RAD52: variants seen among roughly 807,000 people sequenced by gnomAD.
RAD52 encodes RAD52 DNA repair protein.
RAD52 carries 47 observed loss-of-function variants against 55.5 expected under a neutral mutation model. That is an observed-to-expected ratio of 0.85 (90% CI 0.67 to 1.08). The LOEUF (loss-of-function observed/expected upper bound fraction) is 1.08, where lower values mean the gene tolerates loss of function less well. Ranked by LOEUF, RAD52 falls within the 50% of genes least tolerant of loss-of-function variation. The probability of loss-of-function intolerance (pLI) is 0.00; values close to 1 mark genes in which losing one functional copy is unlikely to be tolerated. For synonymous variants in RAD52, 184 were observed against 198.9 expected, an observed-to-expected ratio of 0.92 and a Z score of 0.63; for missense variants, 468 against 522.8, an observed-to-expected ratio of 0.90 and a Z score of 1.02.
rs1347383448 is a variant in RAD52 at position 929,876 on chromosome 12, G to C, written c.291C>G (p.Asp97Glu). ...CCACGTAGAACTTGCCATTGTTGAGGTCAACAAAATCTAGGAGTGGGAAAG... is the reference window on the plus strand; with the variant it reads ...CCACGTAGAACTTGCCATTGTTGAGCTCAACAAAATCTAGGAGTGGGAAAG... ...SITQQNVDFV[D>E]LNNGKFYVGV... The change falls in exon 5 of 12, where the codon GAC becomes GAG. Residue 97 changes from aspartate (D) to glutamate (E), a missense_variant. Transcript: ENST00000358495. The C allele has an allele frequency of 6.2e-7, 1 of 1,613,612 alleles. No individual in the cohort carries two copies. Among genetic ancestry groups the C allele is most frequent in the East Asian group, 2.2e-5 (1 of 44,896 alleles).
At chr12:940,511 T>C (rs763128213) in intron 1 of RAD52, among the ~76,000 whole-genome samples, 1 of 151,710 alleles carries the variant, frequency 6.6e-6, no homozygotes, top group Non-Finnish European at 1.5e-5. Context: ...GCAGGAGAAT[T>C]GCTTGAACCC....
intron 9 of RAD52, among the ~76,000 whole-genome samples, chr12:915,429 C>T (rs1274634142): frequency 6.6e-6 from 1 of 152,180 alleles, no homozygotes; most frequent in Non-Finnish European, 1.5e-5. Context: ...TGTGAATCTG[C>T]TTCACAATTT....
intron 1 of RAD52, among the ~76,000 whole-genome samples, chr12:971,170 G>A (rs1165331696): frequency 1.3e-5 from 2 of 152,092 alleles, no homozygotes; most frequent in Non-Finnish European, 1.5e-5. Context: ...TTCCATTGGG[G>A]CCTAATATTT....
intron 1 of RAD52, among the ~76,000 whole-genome samples, chr12:940,056 C>CA: frequency 6.7e-6 from 1 of 149,418 alleles, no homozygotes; most frequent in Non-Finnish European, 1.5e-5. Context: ...GCCTGGGTGA[C>CA]AGAATGAGAC....
At chr12:962,268 C>A (rs187022378) in intron 1 of RAD52, among the ~76,000 whole-genome samples, 1 of 152,134 alleles carries the variant, frequency 6.6e-6, no homozygotes, top group Admixed American at 6.5e-5. Flanking sequence ...AGAGCAGTTT[C>A]CTGGAAGCAT....
rs79074159 is a variant in RAD52, at chr12:961,756, G to A, written c.-19+28053C>T. Among the ~76,000 whole-genome samples the A allele has an allele frequency of 3.3e-5, 5 of 152,212 alleles. No individual in the cohort carries two copies. The South Asian group carries it at 6.2e-4, about 19-fold the overall frequency. Reference sequence around the variant, plus strand: ...CATGCACCTGTAATCCCAGCTACTCGGGAGGTTGGAGCAGTAGACTCGGTT... The same window carrying A: ...CATGCACCTGTAATCCCAGCTACTCAGGAGGTTGGAGCAGTAGACTCGGTT... On this transcript the variant is annotated intron_variant, in intron 1 of 11. Transcript: ENST00000430095.
intron 1 of RAD52, among the ~76,000 whole-genome samples, chr12:939,146 G>A (rs1957794317): frequency 6.6e-6 from 1 of 150,778 alleles, no homozygotes; most frequent in Non-Finnish European, 1.5e-5. Context: ...CCTAGGTGAA[G>A]GATATGCAGA....
intron 6 of RAD52, chr12:926,732 A>T (rs1957055246): frequency 7.0e-7 from 1 of 1,436,516 alleles, no homozygotes; most frequent in Non-Finnish European, 9.4e-7. Flanking sequence ...GTATTCCTGT[A>T]TAGCAACATA....
intron 1 of RAD52, among the ~76,000 whole-genome samples, chr12:939,052 T>TGTGTG (rs1957778846): frequency 1.4e-5 from 2 of 141,050 alleles, no homozygotes; most frequent in Non-Finnish European, 3.1e-5. Context: ...ATTCAACTAA[T>TGTGTG]TGTGTGTGTG....
In RAD52 at chr12:949,221, C is replaced by G. The variant is rs527742359; in HGVS notation, c.-19+381G>C. Among the ~76,000 whole-genome samples the G allele has an allele frequency of 7.5e-4, 114 of 152,230 alleles. 1 individual carries two copies. Among genetic ancestry groups the G allele is most frequent in the Middle Eastern group, 6.8e-3 (2 of 294 alleles). Reference sequence around the variant, plus strand: ...TCCTTTTAAATCAATCATTTCTTCCCAGCGTCCCCCGCTCCCTGCAACTCA... The same window carrying G: ...TCCTTTTAAATCAATCATTTCTTCCGAGCGTCCCCCGCTCCCTGCAACTCA... On this transcript the variant is annotated intron_variant, in intron 1 of 11. Transcript: ENST00000358495.
upstream of RAD52, chr12:990,697 G>A (rs762866182): frequency 2.0e-5 from 3 of 152,264 alleles, no homozygotes; most frequent in Admixed American, 1.3e-4. Context: ...GCTTTCTTGG[G>A]ACAAAGCGTC....
rs59676475 is a variant in RAD52, at chr12:912,014, AC to A, written c.*1376del. 0.43 allele frequency: 84,004 copies of A among 196,050 alleles called. 18,357 individuals are homozygous for A. Among genetic ancestry groups the A allele is most frequent in the East Asian group, 0.52 (6,527 of 12,624 alleles). 12.1% of individuals were successfully genotyped at this position (196,050 alleles called of 1,614,324 possible). On this transcript the variant is annotated 3_prime_UTR_variant, in exon 12 of 12. Transcript: ENST00000358495. ...ACTCCAGCCTGCGCTACAGAGCCAG[AC>A]CCCCCCTCTCAAAAAAAAAGTTGTT... is the stretch of plus-strand genomic sequence containing the variant.
intron 1 of RAD52, among the ~76,000 whole-genome samples, chr12:969,775 G>A (rs1219927896): frequency 1.3e-5 from 2 of 150,482 alleles, no homozygotes; most frequent in African/African-American, 2.5e-5. Context: ...GGGTGACAGA[G>A]CAAGACCCTG....
At chr12:956,974 A>C (rs907220462) in intron 1 of RAD52, among the ~76,000 whole-genome samples, 1 of 152,228 alleles carries the variant, frequency 6.6e-6, no homozygotes, top group Non-Finnish European at 1.5e-5. Context: ...CATTTAATAG[A>C]TGTTTCTGTA....
chr12:925,515 T>C lies in RAD52; in HGVS notation c.478A>G (p.Asn160Asp). 6.2e-7 allele frequency: 1 copy of C among 1,613,142 alleles called. No homozygotes were observed. The highest frequency in any genetic ancestry group is 1.1e-5 in the South Asian group (1 of 91,064). Residue 160 changes from asparagine (N) to aspartate (D), a missense_variant, in exon 7 of 12, where the codon AAT (asparagine) becomes GAT (aspartate). Physicochemically the swap from Asn to Asp is conservative, Grantham distance 23 (BLOSUM62 1). Transcript: ENST00000358495. ...GLKRALRSFGNALGNCILDKD... is the reference protein window; with the variant it reads ...GLKRALRSFGDALGNCILDKD... ...TCCAGAATACAGTTTCCAAGTGCAT[T>C]CCCAAAACTCCTAAGGGCAAGAGAA...
At position 916,828 on chromosome 12, in the gene RAD52, G is replaced by C. The variant is rs1463748097; in HGVS notation, c.544-8C>G. 6.3e-7 allele frequency: 1 copy of C among 1,590,498 alleles called. No homozygotes were observed. The highest frequency in any genetic ancestry group is 1.1e-5 in the South Asian group (1 of 90,584). ...ATCCACTTCAAGAGGCAACTAGAAGGAAAGAAGAAAAACAAATTCCTTCAA... is the reference window on the plus strand; with the variant it reads ...ATCCACTTCAAGAGGCAACTAGAAGCAAAGAAGAAAAACAAATTCCTTCAA... On this transcript the variant is annotated splice_region_variant and splice_polypyrimidine_tract_variant and intron_variant, in intron 7 of 11. Coordinates refer to ENST00000358495, the MANE Select transcript of RAD52 (RefSeq NM_134424.4).
chr12:982,835 C>G (rs1277182706), intron 1 of RAD52, among the ~76,000 whole-genome samples: 1 of 150,198 alleles, frequency 6.7e-6, no homozygotes, highest in Non-Finnish European at 1.5e-5. Flanking sequence ...TACAGGTGCG[C>G]ACCACGATGC....
chr12:950,912 C>T (rs923320588), upstream of RAD52, among the ~76,000 whole-genome samples: 2 of 151,876 alleles, frequency 1.3e-5, no homozygotes, highest in African/African-American at 4.8e-5. Flanking sequence ...CCCTTATTCC[C>T]CAGCCTCTGG....
intron 1 of RAD52, among the ~76,000 whole-genome samples, chr12:945,539 T>G (rs1439053174): frequency 6.6e-6 from 1 of 150,944 alleles, no homozygotes; most frequent in African/African-American, 2.4e-5. Flanking sequence ...GTTCAAGTGA[T>G]TCTGGTGCCT....
Sources: gnomAD v4.1 joint callset for allele counts (sites outside exome capture counted in the v4.1 genomes callset) on GRCh38, gnomAD v4.1.1 for gene constraint, MANE v1.5 for transcripts, NCBI Gene and HGNC (gene_info 2026-07-23, HGNC 2026-07-21) for gene names.